The following DNAH17 variants were observed in gnomAD, a reference collection of about 807,000 sequenced individuals.
The protein encoded by DNAH17 is dynein axonemal heavy chain 17.
In DNAH17, 376 loss-of-function variants were observed where a neutral mutation model predicts 485.6. The observed-to-expected ratio is 0.77, with a 90% CI of 0.71 to 0.84. The LOEUF (loss-of-function observed/expected upper bound fraction) is 0.84, where lower values mean the gene tolerates loss of function less well. DNAH17 is among the 40% of genes least tolerant of loss of function. The pLI, the probability that DNAH17 is intolerant of heterozygous loss-of-function variation, is 0.00. For missense variants in DNAH17, 6,370 were observed against 5,839.3 expected (o/e 1.09, Z -2.96); for synonymous variants, 3,031 against 2,405.9 (o/e 1.26, Z -7.60).
chr17:78,572,616 T>TG (rs1469829166), intron 3 of DNAH17, 85 bp downstream of exon 3: 5 of 1,079,810 alleles, frequency 4.6e-6, no homozygotes, highest in Non-Finnish European at 4.9e-6. Context: ...CGGGTCGGAG[T>TG]GGGGTGGAGT....
rs775908250 is a variant in DNAH17, at chr17:78,479,079, C to T, written c.7938G>A (p.Thr2646=). The T allele has an allele frequency of 3.4e-5, 55 of 1,613,824 alleles. No individual in the cohort carries two copies. Among genetic ancestry groups the T allele is most frequent in the East Asian group, 8.9e-5 (4 of 44,902 alleles). The change falls in exon 51 of 81, where the codon ACG becomes ACA. Residue 2646 remains threonine, a synonymous_variant. Coordinates refer to ENST00000389840, the MANE Select transcript of DNAH17 (RefSeq NM_173628.4). The part of the protein sequence containing the change: ...HQKITATFLP[T]AIKFHYVFNL... ...TGAAGACATAATGAAACTTAATGGCCGTGGGAAGAAATGTTGCCGTGATTT... is the reference window on the plus strand; with the variant it reads ...TGAAGACATAATGAAACTTAATGGCTGTGGGAAGAAATGTTGCCGTGATTT...
At chr17:78,432,433 T>G (rs925548977) in intron 75 of DNAH17, among the ~76,000 whole-genome samples, 3 of 152,206 alleles carry the variant, frequency 2.0e-5, no homozygotes, top group African/African-American at 4.8e-5. Flanking sequence ...CTATGGCCCA[T>G]GGTGGCCCAT....
At chr17:78,568,130 G>A (rs2092297970) in intron 9 of DNAH17, among the ~76,000 whole-genome samples, 1 of 152,124 alleles carries the variant, frequency 6.6e-6, no homozygotes, top group Admixed American at 6.5e-5. Context: ...TCAGGGGGTG[G>A]ACAGCAAAGC....
chr17:78,557,051 G>C (rs769983448), intron 14 of DNAH17, among the ~76,000 whole-genome samples: 7 of 152,176 alleles, frequency 4.6e-5, no homozygotes, highest in Non-Finnish European at 8.8e-5. Flanking sequence ...TTACTGGGAA[G>C]TTTTTCCAAA....
chr17:78,455,128 T>A (rs879845837), intron 63 of DNAH17, among the ~76,000 whole-genome samples: 119 of 151,916 alleles, frequency 7.8e-4, no homozygotes, highest in Admixed American at 2.7e-3. Flanking sequence ...CAGGTTGGTT[T>A]TGAACTCCTG....
chr17:78,450,884 C>T (rs1276517878), intron 66 of DNAH17, 38 bp from the exon 67 acceptor site: 2 of 1,605,038 alleles, frequency 1.2e-6, no homozygotes, highest in African/African-American at 1.3e-5. Flanking sequence ...CATTGCCTGG[C>T]TCTGTCCACC....
chr17:78,574,785 G>A lies in DNAH17; in HGVS notation c.273C>T (p.Asn91=). The A allele has an allele frequency of 6.2e-7, 1 of 1,614,008 alleles. No homozygotes were observed. The highest frequency in any genetic ancestry group is 8.5e-7 in the Non-Finnish European group (1 of 1,179,882). Residue 91 remains asparagine (N), a synonymous_variant, in exon 2 of 81, where the codon AAC becomes AAT. Coordinates refer to ENST00000389840, the MANE Select transcript of DNAH17 (RefSeq NM_173628.4). ...CGCCGTAAAGGAGCCGGGCCCTGTA[G>A]TTGTCCTTGTTGATGTTCTCGGACT... ...KTKSENINKD[N]YRARLLYGDI... is the part of the protein sequence containing the mutation.
intron 44 of DNAH17, chr17:78,489,872 T>G (rs2672906): frequency 0.59 from 87,933 of 148,772 alleles, 26,994 homozygotes; most frequent in African/African-American, 0.76. Context: ...GATGGATGGA[T>G]GGATGGATGA....
intron 12 of DNAH17, 125 bp downstream of exon 12, chr17:78,561,590 T>G: frequency 8.2e-7 from 1 of 1,214,234 alleles, no homozygotes; most frequent in Non-Finnish European, 1.1e-6. Context: ...CTTCTGGGCT[T>G]TTGCTCTGGG....
chr17:78,575,754 G>A (rs2092425047), intron 1 of DNAH17, among the ~76,000 whole-genome samples: 1 of 152,032 alleles, frequency 6.6e-6, no homozygotes, highest in Non-Finnish European at 1.5e-5. Context: ...TCCCCTTAAA[G>A]AACACCCTGA....
At chr17:78,477,531 A>G (rs1318381953) in intron 51 of DNAH17, among the ~76,000 whole-genome samples, 1 of 152,144 alleles carries the variant, frequency 6.6e-6, no homozygotes, top group Admixed American at 6.5e-5. Context: ...GGCACACTCC[A>G]CCATGCCCAG....
chr17:78,566,963 C>T lies in DNAH17; in HGVS notation c.1452+36G>A, dbSNP rs551557212. On this transcript the variant is annotated intron_variant, in intron 10 of 80. Coordinates refer to ENST00000389840, the MANE Select transcript of DNAH17 (RefSeq NM_173628.4). Reference sequence around the variant, plus strand: ...GTACCGAGGCTGGTGCTGTTCTCACCGAGTCCAGTTCATCCAACCCTGCCC... The same window carrying T: ...GTACCGAGGCTGGTGCTGTTCTCACTGAGTCCAGTTCATCCAACCCTGCCC... 1.7e-5 allele frequency: 27 copies of T among 1,583,496 alleles called. No homozygotes were observed. The African/African-American group carries it at 2.6e-4, about 15-fold the overall frequency.
intron 13 of DNAH17, among the ~76,000 whole-genome samples, chr17:78,558,533 G>GGATGACATCACCCTCATGGGTA (rs1202484296): frequency 1.3e-5 from 2 of 150,972 alleles, no homozygotes; most frequent in African/African-American, 5.0e-5. Context: ...CCTCATGGGT[G>GGATGACATCACCCTCATGGGTA]GATGACATCA....
At position 78,437,807 on chromosome 17, in the gene DNAH17, G is replaced by A. The variant is rs768762381; in HGVS notation, c.11867C>T (p.Thr3956Met). The A allele has an allele frequency of 4.7e-5, 75 of 1,612,326 alleles. No homozygotes were observed. Among genetic ancestry groups the A allele is most frequent in the East Asian group, 1.1e-4 (5 of 44,902 alleles). Residue 3956 changes from threonine to methionine, a missense_variant, in exon 74 of 81, where the codon ACG becomes ATG. Transcript: ENST00000389840. The part of the protein sequence containing the change: ...TLDKKLEHYS[T>M]GSHEDYRVFI... The stretch of plus-strand genomic sequence containing the variant: ...CACCCGGTAGTCCTCATGGCTGCCC[G>A]TGCTGTAGTGCTCCAGCTTCTTGTC...
intron 3 of DNAH17, 53 bp downstream of exon 3, chr17:78,572,648 G>A (rs997712432): frequency 3.4e-6 from 5 of 1,491,066 alleles, no homozygotes; most frequent in Non-Finnish European, 3.6e-6. Context: ...TGGGGGTCAA[G>A]CATGTGCCTC....
intron 68 of DNAH17, 134 bp downstream of exon 68, chr17:78,450,120 C>T (rs879237827): frequency 2.8e-6 from 3 of 1,063,144 alleles, no homozygotes; most frequent in African/African-American, 3.2e-5. Flanking sequence ...GCTCCATCTG[C>T]AGGCTGGACC....
intron 71 of DNAH17, 58 bp from the exon 72 acceptor site, chr17:78,441,257 G>A (rs554165632): frequency 1.0e-5 from 16 of 1,593,520 alleles, no homozygotes; most frequent in Admixed American, 3.4e-5. Context: ...AGGGCGGGGC[G>A]CTCGGGGTGG....
At chr17:78,438,438 A>AGGAGGAGGAGGAGGAGGAGGGG (rs2086932448) in intron 73 of DNAH17, among the ~76,000 whole-genome samples, 1 of 75,006 alleles carries the variant, frequency 1.3e-5, no homozygotes, top group African/African-American at 6.7e-5. Flanking sequence ...GAGGAGGAGG[A>AGGAGGAGGAGGAGGAGGAGGGG]GGAGGAGGGA....
intron 76 of DNAH17, 81 bp from the exon 77 acceptor site, chr17:78,428,788 C>T: frequency 6.6e-7 from 1 of 1,516,740 alleles, no homozygotes; most frequent in South Asian, 1.2e-5. Context: ...CATTCCTTGC[C>T]AGAACGTTCA....
Sources: allele counts gnomAD v4.1 joint callset (sites outside exome capture counted in the v4.1 genomes callset), GRCh38; gene constraint gnomAD v4.1.1; transcripts MANE v1.5; gene names NCBI Gene and HGNC (gene_info 2026-07-23, HGNC 2026-07-21).